The following FGF12 variants were observed in gnomAD, a reference collection of about 807,000 sequenced individuals.
The protein encoded by FGF12 is fibroblast growth factor 12B.
Under a neutral mutation model 23.6 loss-of-function variants are expected in FGF12, and 14 were observed. The observed-to-expected ratio is 0.59, with a 90% CI of 0.39 to 0.93. The LOEUF is 0.93. Among genes scored for constraint, FGF12 ranks in the 40% least tolerant of loss-of-function variants. The pLI is 0.00. For missense variants in FGF12, 175 were observed against 217.8 expected (o/e 0.80, Z 1.24); for synonymous variants, 62 against 77.3 (o/e 0.80, Z 1.04).
At chr3:192,470,490 G>C (rs1723140032) in intron 2 of FGF12, among the ~76,000 whole-genome samples, 1 of 152,182 alleles carries the variant, frequency 6.6e-6, no homozygotes, top group African/African-American at 2.4e-5. Flanking sequence ...CCAGGTTCAA[G>C]TGATTCTCCT....
At chr3:192,380,522 TCTAA>T (rs1375465185) in intron 2 of FGF12, among the ~76,000 whole-genome samples, 1 of 152,076 alleles carries the variant, frequency 6.6e-6, no homozygotes, top group Non-Finnish European at 1.5e-5. Context: ...GAAAAAATAA[TCTAA>T]CTATAAATAA....
chr3:192,331,311 C>CAAAAAAA (rs201997868), intron 4 of FGF12, among the ~76,000 whole-genome samples: 62 of 95,874 alleles, frequency 6.5e-4, no homozygotes, highest in East Asian at 1.9e-3. Flanking sequence ...GGAGTTTTCT[C>CAAAAAAA]AAAAAAAAAA....
Position 192,141,525 on chromosome 3 carries a change from C to T in FGF12, c.*2484G>A, listed in dbSNP as rs1184601606. The T allele has an allele frequency of 6.6e-6, 1 of 151,906 alleles. No homozygotes were observed. The highest frequency in any genetic ancestry group is 2.4e-5 in the African/African-American group (1 of 41,406). 9.4% of individuals were successfully genotyped at this position (151,906 alleles called of 1,614,324 possible). ...AGCTAATTTCCAAAACATTTTACTG[C>T]AGTGAACATTTGCTTAACATAATAC... On this transcript the variant is annotated 3_prime_UTR_variant, in exon 6 of 6. Transcript: ENST00000445105.
intron 2 of FGF12, among the ~76,000 whole-genome samples, chr3:192,625,325 A>G (rs1378932198): frequency 6.6e-6 from 1 of 152,082 alleles, no homozygotes; most frequent in Admixed American, 6.5e-5. Context: ...GAGTCAATAG[A>G]GTGTGTTATA....
rs1009188789 is a variant in FGF12 at position 192,409,698 on chromosome 3, C to G, written c.14-49160G>C. ...CGGCTGAGGCTCCTGGCCGGAGCTG[C>G]CCACCATGGTCTGGCGCCAGGGGCG... On this transcript the variant is annotated intron_variant, in intron 2 of 5. Coordinates refer to ENST00000445105, the MANE Select transcript of FGF12 (RefSeq NM_004113.6). This position sits in a 1 kb window ranked among gnomAD's most constrained non-coding sequence, Gnocchi z 4.8. Among the ~76,000 whole-genome samples the G allele has an allele frequency of 2.0e-5, 3 of 152,172 alleles. No individual in the cohort carries two copies. Among genetic ancestry groups the G allele is most frequent in the Non-Finnish European group, 4.4e-5 (3 of 68,008 alleles).
intron 2 of FGF12, among the ~76,000 whole-genome samples, chr3:192,665,106 T>C (rs1716815322): frequency 1.3e-5 from 2 of 152,298 alleles, no homozygotes; most frequent in African/African-American, 2.4e-5. Context: ...ATTAGAGAGA[T>C]TGAGCTTTTT....
chr3:192,225,716 T>C (rs1479758801), intron 4 of FGF12, among the ~76,000 whole-genome samples: 1 of 152,146 alleles, frequency 6.6e-6, no homozygotes, highest in Non-Finnish European at 1.5e-5. Context: ...ACAACTGAAA[T>C]GTCCATCAAC....
At chr3:192,501,717 T>G (rs1724138525) in intron 2 of FGF12, among the ~76,000 whole-genome samples, 1 of 152,188 alleles carries the variant, frequency 6.6e-6, no homozygotes, top group South Asian at 2.1e-4. Context: ...TTGGGAGAAT[T>G]TATTTCTACT....
At chr3:192,384,808 C>A (rs981113461) in intron 2 of FGF12, among the ~76,000 whole-genome samples, 1 of 152,142 alleles carries the variant, frequency 6.6e-6, no homozygotes, top group Admixed American at 6.5e-5. Flanking sequence ...AAGAATTGTA[C>A]AGGCACCATC....
intron 2 of FGF12, among the ~76,000 whole-genome samples, chr3:192,475,799 A>G (rs1301815621): frequency 6.6e-6 from 1 of 152,212 alleles, no homozygotes; most frequent in African/African-American, 2.4e-5. Context: ...ATGTGTCTGA[A>G]ATACGATTCC....
At chr3:192,356,161 T>C (rs1718463089) in intron 3 of FGF12, among the ~76,000 whole-genome samples, 1 of 152,124 alleles carries the variant, frequency 6.6e-6, no homozygotes, top group Non-Finnish European at 1.5e-5. Flanking sequence ...TCTGAAACCA[T>C]GCCCCTCCCA....
chr3:192,193,331 GC>G (rs1441815550), intron 4 of FGF12, among the ~76,000 whole-genome samples: 2 of 152,076 alleles, frequency 1.3e-5, no homozygotes, highest in Non-Finnish European at 2.9e-5. Context: ...CAACTCTTAT[GC>G]CTTGGATATG....
intron 4 of FGF12, among the ~76,000 whole-genome samples, chr3:192,327,962 C>T (rs1716905372): frequency 6.6e-6 from 1 of 152,190 alleles, no homozygotes; most frequent in South Asian, 2.1e-4. Flanking sequence ...AATGTCAAGG[C>T]TCCTAAGTTA....
chr3:192,194,483 T>C (rs905750836), intron 4 of FGF12, among the ~76,000 whole-genome samples: 1 of 152,214 alleles, frequency 6.6e-6, no homozygotes, highest in East Asian at 1.9e-4. Flanking sequence ...TATACATTCA[T>C]ATTACTCTGG....
Position 192,536,339 on chromosome 3 carries a change from G to T in FGF12, c.14-175801C>A, listed in dbSNP as rs549523639. On this transcript the variant is annotated intron_variant, in intron 2 of 5. Coordinates refer to ENST00000445105, the MANE Select transcript of FGF12 (RefSeq NM_004113.6). ...AACCTCTTATCAAGAAGCAAAAGTT[G>T]AAATAGACAGATTTTAAAACATATG... Among the ~76,000 whole-genome samples the T allele has an allele frequency of 2.0e-5, 3 of 152,210 alleles. No homozygotes were observed. The South Asian group carries it at 6.2e-4, about 32-fold the overall frequency.
At chr3:192,189,276 T>C (rs555844776) in intron 4 of FGF12, among the ~76,000 whole-genome samples, 5 of 152,356 alleles carry the variant, frequency 3.3e-5, no homozygotes, top group Non-Finnish European at 5.9e-5. Context: ...ATTAATTAGA[T>C]AATCTTTAAG....
intron 4 of FGF12, among the ~76,000 whole-genome samples, chr3:192,172,434 T>G (rs1241187176): frequency 6.7e-6 from 1 of 148,914 alleles, no homozygotes; most frequent in South Asian, 2.2e-4. Flanking sequence ...CCAAAGAAAA[T>G]TGGAGTAGAA....
At chr3:192,210,574 C>T (rs1216363678) in intron 4 of FGF12, among the ~76,000 whole-genome samples, 1 of 152,184 alleles carries the variant, frequency 6.6e-6, no homozygotes, top group Non-Finnish European at 1.5e-5. Flanking sequence ...TAGAAAGTTA[C>T]ACAGTAACCT....
chr3:192,341,915 A>AAAGTTGAACTCG (rs774597436), intron 3 of FGF12, among the ~76,000 whole-genome samples: 36,505 of 151,928 alleles, frequency 0.24, 4,443 homozygotes, highest in Admixed American at 0.3. Flanking sequence ...TTTGGAGTTA[A>AAAGTTGAACTCG]CATACAGCAC....
Sources: gnomAD v4.1 joint callset for allele counts (sites outside exome capture counted in the v4.1 genomes callset) on GRCh38, gnomAD v4.1.1 for gene constraint, Gnocchi (gnomAD v3.1) non-coding constraint, MANE v1.5 for transcripts, NCBI Gene and HGNC (gene_info 2026-07-23, HGNC 2026-07-21) for gene names.